The following DDX17 variants were observed in gnomAD, a reference collection of about 807,000 sequenced individuals.
DDX17 encodes the protein probable ATP-dependent RNA helicase DDX17.
In DDX17, 10 loss-of-function variants were observed where a neutral mutation model predicts 80.8. The ratio of observed to expected loss-of-function variants is 0.12; its 90% CI spans 0.08 to 0.21. The LOEUF (loss-of-function observed/expected upper bound fraction) is 0.21. DDX17 is among the 10% of genes least tolerant of loss of function. DDX17 has a pLI of 1.00. For synonymous variants in DDX17, 339 were observed against 336.2 expected, an observed-to-expected ratio of 1.01 and a Z score of -0.09; for missense variants, 586 against 957.4, an observed-to-expected ratio of 0.61 and a Z score of 5.12.
chr22:38,506,128 C>T lies in DDX17; in HGVS notation c.110G>A (p.Ser37Asn). 1 of 1,578,380 alleles carries T rather than the reference C, an allele frequency of 6.3e-7. No individual in the cohort carries two copies. Among genetic ancestry groups the T allele is most frequent in the Non-Finnish European group, 8.6e-7 (1 of 1,163,374 alleles). ...TGTTGGGGCGGCGGCAGGCGCAGCG[C>T]TCTCTCGCTCCGACGCGCTGTCTCC... Residue 37 changes from serine to asparagine, a missense_variant, in exon 1 of 13, where the codon AGC becomes AAC. Transcript: ENST00000403230.
intron 12 of DDX17, among the ~76,000 whole-genome samples, chr22:38,486,941 G>A (rs1458998384): frequency 6.6e-6 from 1 of 152,226 alleles, no homozygotes; most frequent in Non-Finnish European, 1.5e-5. Flanking sequence ...GGGAGATCAA[G>A]GCAGGAGGGT....
At chr22:38,496,520 T>C (rs926101988) in intron 5 of DDX17, among the ~76,000 whole-genome samples, 3 of 152,178 alleles carry the variant, frequency 2.0e-5, no homozygotes, top group Admixed American at 1.3e-4. Context: ...CAGCTAATTA[T>C]TGTATTTTTG....
intron 6 of DDX17, 120 bp from the exon 7 acceptor site, chr22:38,495,166 G>C (rs1432572904): frequency 1.1e-5 from 10 of 932,918 alleles, no homozygotes; most frequent in Non-Finnish European, 1.6e-5. Context: ...AACCAGCCTG[G>C]TCAACATAGC....
In DDX17 at chr22:38,488,291, G is replaced by A. The variant is rs1466499848; in HGVS notation, c.1448-176C>T. 3 of 1,500,838 alleles carry A rather than the reference G, an allele frequency of 2.0e-6. No homozygotes were observed. In the South Asian group the frequency reaches 4.1e-5, roughly 20 times the overall value. The allele number at this position is 1,500,838 out of a possible 1,614,324, so 93.0% of individuals were successfully genotyped here. On this transcript the variant is annotated intron_variant, in intron 11 of 12. Transcript: ENST00000403230. Reference sequence around the variant, plus strand: ...AAAGACTCATCCCAACAGAGTAAAAGAGGATTACTGATTCCTGGGACATGC... The same window carrying A: ...AAAGACTCATCCCAACAGAGTAAAAAAGGATTACTGATTCCTGGGACATGC...
rs1018001150 is a variant in DDX17, at chr22:38,483,857, G to C, written c.*2078C>G. 5.9e-5 allele frequency: 9 copies of C among 152,210 alleles called. No individual in the cohort carries two copies. Among genetic ancestry groups the C allele is most frequent in the Non-Finnish European group, 8.8e-5 (6 of 68,042 alleles). 9.4% of individuals were successfully genotyped at this position (152,210 alleles called of 1,614,324 possible). On this transcript the variant is annotated 3_prime_UTR_variant, in exon 13 of 13. Transcript: ENST00000403230. ...AAGTGACAGACATGGAGGCAGAAGAGTTAAACTCTGCTAGATTTCAGCTGT... is the reference window on the plus strand; with the variant it reads ...AAGTGACAGACATGGAGGCAGAAGACTTAAACTCTGCTAGATTTCAGCTGT...
At chr22:38,496,333 T>C (rs1204565109) in intron 5 of DDX17, among the ~76,000 whole-genome samples, 1 of 152,172 alleles carries the variant, frequency 6.6e-6, no homozygotes, top group Non-Finnish European at 1.5e-5. Flanking sequence ...AGGATCATAT[T>C]GGTCCTCAAA....
intron 12 of DDX17, 51 bp downstream of exon 12, chr22:38,487,828 C>G (rs371803034): frequency 6.2e-7 from 1 of 1,601,104 alleles, no homozygotes; most frequent in Admixed American, 1.7e-5. Flanking sequence ...TCACAGAAGG[C>G]GTAAAGAGAT....
At chr22:38,492,232 A>G (rs1433845142) in intron 10 of DDX17, 117 bp from the exon 11 acceptor site, 4 of 726,246 alleles carry the variant, frequency 5.5e-6, no homozygotes, top group Non-Finnish European at 8.8e-6. Flanking sequence ...TCTTGTAATG[A>G]CTGACAGTGA....
chr22:38,488,248 C>A, intron 11 of DDX17, 133 bp from the exon 12 acceptor site: 1 of 1,569,972 alleles, frequency 6.4e-7, no homozygotes, highest in Non-Finnish European at 8.6e-7. Flanking sequence ...TTAGTAACCA[C>A]TCTGAACAGA....
intron 3 of DDX17, 31 bp from the exon 4 acceptor site, chr22:38,498,604 TTG>T (rs1343480092): frequency 1.2e-6 from 2 of 1,611,818 alleles, no homozygotes; most frequent in Non-Finnish European, 1.7e-6. Flanking sequence ...GCGTATTTTA[TTG>T]TGTTTAAAGA....
rs1308291849 is a variant in DDX17 at position 38,485,116 on chromosome 22, A to C, written c.*819T>G. The stretch of plus-strand genomic sequence containing the variant: ...ACAGCAGCTGTCTGGATGGAAAATT[A>C]ATTTCACAGATGGTCCCCAGTTAAA... On this transcript the variant is annotated 3_prime_UTR_variant, in exon 13 of 13. Coordinates refer to ENST00000403230, the MANE Select transcript of DDX17 (RefSeq NM_006386.5). 2 of 152,372 alleles carry C rather than the reference A, an allele frequency of 1.3e-5. No homozygotes were observed. Among genetic ancestry groups the C allele is most frequent in the South Asian group, 4.1e-4 (2 of 4,828 alleles). The allele number at this position is 152,372 out of a possible 1,614,324, so 9.4% of individuals were successfully genotyped here.
intron 11 of DDX17, chr22:38,490,773 GCAAA>G (rs1340957967): frequency 2.3e-5 from 5 of 215,338 alleles, no homozygotes; most frequent in African/African-American, 4.7e-5. Context: ...TTACAAGGCA[GCAAA>G]CAAAGGGGCC....
chr22:38,501,105 C>T (rs780415972), intron 2 of DDX17, 25 bp downstream of exon 2: 22 of 1,609,682 alleles, frequency 1.4e-5, no homozygotes, highest in African/African-American at 2.7e-5. Context: ...ATAATCTGTA[C>T]ATTAAAACAC....
In DDX17 at chr22:38,497,054, T is replaced by C. The variant is rs370587524; in HGVS notation, c.738+1031A>G. Among the ~76,000 whole-genome samples, 6 of 150,320 alleles carry C rather than the reference T, an allele frequency of 4.0e-5. No individual in the cohort carries two copies. The East Asian group carries it at 1.0e-3, about 25-fold the overall frequency. ...GTGGCTCACACCTGTAATCCCATTA[T>C]TTTGGGAGGCCGAGGCAGATCACCT... On this transcript the variant is annotated intron_variant, in intron 5 of 12. Transcript: ENST00000403230.
intron 6 of DDX17, among the ~76,000 whole-genome samples, chr22:38,495,304 G>A (rs550152006): frequency 6.9e-6 from 1 of 145,696 alleles, no homozygotes; most frequent in South Asian, 2.2e-4. Context: ...GGAATGCAGT[G>A]GCACGATCTC....
chr22:38,495,765 C>T (rs1350313970), intron 6 of DDX17, 31 bp downstream of exon 6: 3 of 1,448,094 alleles, frequency 2.1e-6, no homozygotes, highest in Non-Finnish European at 2.8e-6. Flanking sequence ...GTAAGATAAA[C>T]TAACAATTCT....
chr22:38,493,670 G>A (rs1266306461), intron 10 of DDX17, 40 bp downstream of exon 10: 16 of 1,464,594 alleles, frequency 1.1e-5, no homozygotes, highest in Non-Finnish European at 1.4e-5. Flanking sequence ...TATGGGCAGG[G>A]GGTGGGGAAT....
intron 5 of DDX17, among the ~76,000 whole-genome samples, chr22:38,497,218 G>A (rs2089777478): frequency 7.3e-6 from 1 of 136,802 alleles, no homozygotes; most frequent in Non-Finnish European, 1.5e-5. Flanking sequence ...ATCGCTTGAA[G>A]CCAGGAGGTG....
rs2089622043 is a variant in DDX17 at position 38,483,507 on chromosome 22, T to C, written c.*2428A>G. 2 of 152,662 alleles carry C rather than the reference T, an allele frequency of 1.3e-5. No homozygotes were observed. The highest frequency in any genetic ancestry group is 4.8e-5 in the African/African-American group (2 of 41,466). 9.5% of individuals were successfully genotyped at this position (152,662 alleles called of 1,614,324 possible). A position where few individuals can be genotyped will look rare whatever the true frequency, so the allele number is the denominator to read the frequency against. On this transcript the variant is annotated 3_prime_UTR_variant, in exon 13 of 13. Coordinates refer to ENST00000403230, the MANE Select transcript of DDX17 (RefSeq NM_006386.5). The stretch of plus-strand genomic sequence containing the variant: ...AGATGATGGTATCAAAAGGACAATT[T>C]ACAAACTAAGAATAGTAACATAGCT...
Sources: allele counts gnomAD v4.1 joint callset (sites outside exome capture counted in the v4.1 genomes callset), GRCh38; gene constraint gnomAD v4.1.1; transcripts MANE v1.5; gene names NCBI Gene and HGNC (gene_info 2026-07-23, HGNC 2026-07-21).